The following SLC35F5 variants were observed in gnomAD, a reference collection of about 807,000 sequenced individuals.
The protein encoded by SLC35F5 is solute carrier family 35 member F5, also known as HCV NS5A-transactivated protein 3.
A neutral mutation model predicts 68.6 loss-of-function variants in SLC35F5; 54 were observed. The ratio of observed to expected loss-of-function variants is 0.79; its 90% CI spans 0.63 to 0.99. The LOEUF (loss-of-function observed/expected upper bound fraction) is 0.99. Ranked by LOEUF, SLC35F5 falls within the 50% of genes least tolerant of loss-of-function variation. The pLI, the probability that SLC35F5 is intolerant of heterozygous loss-of-function variation, is 0.00. For synonymous variants in SLC35F5, 211 were observed against 205.2 expected (o/e 1.03, Z -0.24); for missense variants, 567 against 626.9 (o/e 0.90, Z 1.02).
chr2:113,725,575 TTATTTC>T, intron 11 of SLC35F5, 38 bp from the exon 12 acceptor site: 1 of 1,503,602 alleles, frequency 6.7e-7, no homozygotes, highest in Non-Finnish European at 8.9e-7. Flanking sequence ...TAAAATTGAT[TTATTTC>T]TATTTTCCAA....
At chr2:113,728,991 G>A (rs1574231992) in intron 11 of SLC35F5, among the ~76,000 whole-genome samples, 1 of 152,176 alleles carries the variant, frequency 6.6e-6, no homozygotes, top group African/African-American at 2.4e-5. Context: ...CATAGACTGC[G>A]ACAGCATTAA....
chr2:113,703,135 G>C (rs1686729048), downstream of SLC35F5, among the ~76,000 whole-genome samples: 2 of 151,504 alleles, frequency 1.3e-5, no homozygotes, highest in South Asian at 2.1e-4. Flanking sequence ...TAAAAATAAA[G>C]TATAACTCAA....
intron 14 of SLC35F5, among the ~76,000 whole-genome samples, chr2:113,718,927 A>AAGAAAGAAAGAAAGAG (rs1182098254): frequency 2.2e-5 from 1 of 44,458 alleles, no homozygotes; most frequent in African/African-American, 6.5e-5. Flanking sequence ...GAAAGAAAGA[A>AAGAAAGAAAGAAAGAG]AAAGAAAGGA....
chr2:113,755,804 A>G, intron 1 of SLC35F5: 1 of 1,514,624 alleles, frequency 6.6e-7, no homozygotes, highest in Non-Finnish European at 9.0e-7. Context: ...AGAACAGTTA[A>G]CTACCAGAAA....
chr2:113,715,590 G>GTT (rs1300741132), intron 15 of SLC35F5, among the ~76,000 whole-genome samples: 28 of 152,248 alleles, frequency 1.8e-4, no homozygotes, highest in African/African-American at 6.7e-4. Flanking sequence ...AGGTTTAAGT[G>GTT]TGAGTACGAG....
At chr2:113,746,018 G>A (rs1228823617) in intron 5 of SLC35F5, among the ~76,000 whole-genome samples, 1 of 152,096 alleles carries the variant, frequency 6.6e-6, no homozygotes, top group African/African-American at 2.4e-5. Context: ...TAGTAACAAA[G>A]GATTGTCCTT....
Position 113,709,062 on chromosome 2 carries a change from C to A in SLC35F5, c.*6156G>T, listed in dbSNP as rs1000290699. ...ATTTAAGGAGTCAAGATGCTGAACA[C>A]CCTAACAAAAGCAAAAACAAAATTA... On this transcript the variant is annotated 3_prime_UTR_variant, in exon 16 of 16. Coordinates refer to ENST00000245680, the MANE Select transcript of SLC35F5 (RefSeq NM_025181.5). Among the ~76,000 whole-genome samples the A allele has an allele frequency of 3.3e-5, 5 of 152,224 alleles. No individual in the cohort carries two copies. In the East Asian group the frequency reaches 9.6e-4, roughly 29 times the overall value.
chr2:113,751,566 T>A (rs867635779), intron 3 of SLC35F5, among the ~76,000 whole-genome samples: 1 of 152,000 alleles, frequency 6.6e-6, no homozygotes, highest in African/African-American at 2.4e-5. Context: ...TCCCAGCACT[T>A]TGGGAGGCCG....
At chr2:113,722,060 C>T (rs557954943) in intron 13 of SLC35F5, among the ~76,000 whole-genome samples, 21 of 146,278 alleles carry the variant, frequency 1.4e-4, no homozygotes, top group Non-Finnish European at 2.2e-4. Context: ...CTGCAACCTC[C>T]GCCTCCCGGG....
chr2:113,721,501 A>G (rs1288398221), intron 13 of SLC35F5: 1 of 152,982 alleles, frequency 6.5e-6, no homozygotes, highest in African/African-American at 2.4e-5. Flanking sequence ...GAAATGACTA[A>G]TCATTTAATA....
At chr2:113,746,243 C>A (rs1298407428) in intron 5 of SLC35F5, 34 bp downstream of exon 5, 2 of 1,562,656 alleles carry the variant, frequency 1.3e-6, no homozygotes, top group Non-Finnish European at 1.8e-6. Context: ...CTCAACCCCA[C>A]CTCTCTATTC....
rs1686866124 is a variant in SLC35F5, at chr2:113,708,474, G to A, written c.*6744C>T. Among the ~76,000 whole-genome samples the A allele has an allele frequency of 6.6e-6, 1 of 152,142 alleles. No individual in the cohort carries two copies. The highest frequency in any genetic ancestry group is 2.1e-4 in the South Asian group (1 of 4,832). ...AATCCCAGCACTTTGGGAGGCCGAG[G>A]CGTGTAGATCACTTGAGGTCAAGAG... On this transcript the variant is annotated 3_prime_UTR_variant, in exon 16 of 16. Transcript: ENST00000245680.
chr2:113,725,593 C>CTAA, intron 11 of SLC35F5, 56 bp from the exon 12 acceptor site: 1 of 1,443,390 alleles, frequency 6.9e-7, no homozygotes, highest in Non-Finnish European at 9.3e-7. Flanking sequence ...ATTTTCCAAG[C>CTAA]TTATTAACTC....
intron 4 of SLC35F5, among the ~76,000 whole-genome samples, chr2:113,747,039 C>A (rs1231854592): frequency 1.3e-5 from 2 of 151,978 alleles, no homozygotes; most frequent in Admixed American, 1.3e-4. Flanking sequence ...GTAATCCCGG[C>A]AGTTTGGGAG....
chr2:113,729,856 A>G (rs1475636895), intron 10 of SLC35F5, among the ~76,000 whole-genome samples: 1 of 152,118 alleles, frequency 6.6e-6, no homozygotes, highest in Non-Finnish European at 1.5e-5. Context: ...TACCTAAACA[A>G]TCTTGACACC....
intron 13 of SLC35F5, 110 bp downstream of exon 13, chr2:113,722,994 C>G: frequency 1.6e-6 from 1 of 613,058 alleles, no homozygotes; most frequent in Non-Finnish European, 2.6e-6. Context: ...GAGAAAGCAT[C>G]AAGTATTATT....
rs1687027019 is a variant in SLC35F5 at position 113,712,533 on chromosome 2, T to G, written c.*2685A>C. On this transcript the variant is annotated 3_prime_UTR_variant, in exon 16 of 16. Coordinates refer to ENST00000245680, the MANE Select transcript of SLC35F5 (RefSeq NM_025181.5). ...GGTTTCACTGTGTTAACCAGGATGG[T>G]CTCGATCTCCTGACCTCGTGATCCG... Among the ~76,000 whole-genome samples the G allele has an allele frequency of 1.3e-5, 2 of 152,128 alleles. No homozygotes were observed. The highest frequency in any genetic ancestry group is 2.9e-5 in the Non-Finnish European group (2 of 68,016).
intron 7 of SLC35F5, among the ~76,000 whole-genome samples, chr2:113,737,599 T>C (rs1688140798): frequency 6.6e-6 from 1 of 152,244 alleles, no homozygotes; most frequent in Non-Finnish European, 1.5e-5. Flanking sequence ...ACTATTTTTA[T>C]ACTTAAATAT....
chr2:113,754,769 A>T (rs1413897825), intron 3 of SLC35F5, among the ~76,000 whole-genome samples: 2 of 152,164 alleles, frequency 1.3e-5, no homozygotes, highest in Non-Finnish European at 2.9e-5. Flanking sequence ...AAAACTCATT[A>T]TTTTTACTCA....
Sources: gnomAD v4.1 joint callset for allele counts (sites outside exome capture counted in the v4.1 genomes callset) on GRCh38, gnomAD v4.1.1 for gene constraint, MANE v1.5 for transcripts, NCBI Gene and HGNC (gene_info 2026-07-23, HGNC 2026-07-21) for gene names.